Variants in SNX8 observed in about 807,000 individuals in gnomAD.
SNX8 encodes sorting nexin 8.
In SNX8, 25 loss-of-function variants were observed where a neutral mutation model predicts 51.6. The observed-to-expected ratio is 0.48, with a 90% CI of 0.35 to 0.68. SNX8 has a LOEUF of 0.68. SNX8 is among the 30% of genes least tolerant of loss of function. SNX8 has a pLI of 0.00. For missense variants in SNX8, 695 were observed against 624.0 expected, an observed-to-expected ratio of 1.11 and a Z score of -1.21; for synonymous variants, 324 against 277.0, an observed-to-expected ratio of 1.17 and a Z score of -1.68.
chr7:2,324,892 GTCT>G (rs548631381), intron 1 of SNX8, among the ~76,000 whole-genome samples: 95 of 150,696 alleles, frequency 6.3e-4, no homozygotes, highest in African/African-American at 2.3e-3. Context: ...TGCAGCCTCC[GTCT>G]CCTGGGTACA....
At chr7:2,353,281 G>A (rs767440730) in intron 1 of SNX8, among the ~76,000 whole-genome samples, 12 of 152,154 alleles carry the variant, frequency 7.9e-5, no homozygotes, top group Non-Finnish European at 1.3e-4. Context: ...CACTTTGGGA[G>A]GCTGAGGTGG....
chr7:2,323,075 A>G (rs1778560769), intron 1 of SNX8, among the ~76,000 whole-genome samples: 1 of 152,128 alleles, frequency 6.6e-6, no homozygotes, highest in South Asian at 2.1e-4. Context: ...TACACCTGTA[A>G]TCCCAGCACT....
chr7:2,272,007 G>C, intron 3 of SNX8, 36 bp from the exon 4 acceptor site: 2 of 1,610,332 alleles, frequency 1.2e-6, no homozygotes, highest in Non-Finnish European at 1.7e-6. Flanking sequence ...ACAGAGTCCA[G>C]GGCGCCGGCC....
chr7:2,339,479 G>A (rs1778885180), intron 1 of SNX8, among the ~76,000 whole-genome samples: 1 of 152,066 alleles, frequency 6.6e-6, no homozygotes, highest in South Asian at 2.1e-4. Flanking sequence ...AAAGTGCTGG[G>A]AGAAAATTAT....
At chr7:2,351,983 C>G (rs1481118209) in intron 1 of SNX8, among the ~76,000 whole-genome samples, 2 of 142,840 alleles carry the variant, frequency 1.4e-5, no homozygotes, top group Non-Finnish European at 3.0e-5. Flanking sequence ...TCTCCGCTCA[C>G]TACGCCCTCT....
intron 1 of SNX8, among the ~76,000 whole-genome samples, chr7:2,330,954 G>C (rs961377026): frequency 1.1e-4 from 17 of 151,378 alleles, no homozygotes; most frequent in African/African-American, 4.1e-4. Context: ...GGAGGCCGAG[G>C]CAGGTGGGTC....
intron 1 of SNX8, among the ~76,000 whole-genome samples, chr7:2,304,360 G>C (rs372697500): frequency 0.018 from 2,691 of 149,668 alleles, 46 homozygotes; most frequent in African/African-American, 0.031. Context: ...CTGGCTAACA[G>C]GGTGAAACCC....
chr7:2,283,014 G>A lies in SNX8; in HGVS notation c.95-4709C>T, dbSNP rs188044880. Among the ~76,000 whole-genome samples the A allele has an allele frequency of 6.2e-3, 947 of 151,926 alleles. 12 individuals are homozygous for A. Among genetic ancestry groups the A allele is most frequent in the African/African-American group, 0.022 (918 of 41,520 alleles). Reference sequence around the variant, plus strand: ...CGGAAGCCTGTAGTCCCAGCTACTCGGGAGGCTGAGGCAGGAGAATGGTGT... The same window carrying A: ...CGGAAGCCTGTAGTCCCAGCTACTCAGGAGGCTGAGGCAGGAGAATGGTGT... On this transcript the variant is annotated intron_variant, in intron 1 of 10. Transcript: ENST00000222990.
chr7:2,348,059 T>C (rs748603971), intron 1 of SNX8, among the ~76,000 whole-genome samples: 4 of 152,234 alleles, frequency 2.6e-5, no homozygotes, highest in Non-Finnish European at 5.9e-5. Flanking sequence ...ACTGAGAAAC[T>C]TGCTGGAGAG....
At chr7:2,332,012 G>A (rs1010244846) in intron 1 of SNX8, among the ~76,000 whole-genome samples, 1 of 151,912 alleles carries the variant, frequency 6.6e-6, no homozygotes, top group African/African-American at 2.4e-5. Flanking sequence ...CGAGACCAGT[G>A]TAGGCAACAT....
At chr7:2,346,364 T>A (rs1056608908) in intron 1 of SNX8, among the ~76,000 whole-genome samples, 4 of 151,672 alleles carry the variant, frequency 2.6e-5, no homozygotes, top group African/African-American at 9.7e-5. Flanking sequence ...GAGGGTTGCT[T>A]GAACCCAGGA....
chr7:2,349,409 TA>T (rs1409096226), intron 1 of SNX8, among the ~76,000 whole-genome samples: 2 of 151,932 alleles, frequency 1.3e-5, no homozygotes, highest in South Asian at 2.1e-4. Context: ...ATTTTTAGTT[TA>T]TTTTTTTCAC....
At chr7:2,305,532 G>A (rs1796526180) in intron 1 of SNX8, among the ~76,000 whole-genome samples, 1 of 151,792 alleles carries the variant, frequency 6.6e-6, no homozygotes, top group Non-Finnish European at 1.5e-5. Context: ...CCTGGCTAAT[G>A]TTTATACTTT....
At chr7:2,281,865 G>C (rs576230794) in intron 1 of SNX8, among the ~76,000 whole-genome samples, 1 of 152,256 alleles carries the variant, frequency 6.6e-6, no homozygotes, top group South Asian at 2.1e-4. Context: ...CCCTGGGCCT[G>C]GCCATCGCCA....
rs535636783 is a variant in SNX8 at position 2,284,647 on chromosome 7, G to A, written c.95-6342C>T. ...TCTCGATCTCCTGACCTTGTGATCC[G>A]CCCACCTCAGCCTCCCAAAGTGCTG... On this transcript the variant is annotated intron_variant, in intron 1 of 10. Transcript: ENST00000222990. 9.7e-3 allele frequency among the ~76,000 whole-genome samples: 1,456 copies of A among 149,948 alleles called. 10 individuals carry two copies. Among genetic ancestry groups the A allele is most frequent in the African/African-American group, 0.019 (789 of 40,946 alleles).
intron 1 of SNX8, among the ~76,000 whole-genome samples, chr7:2,347,045 T>C (rs1242287916): frequency 6.6e-6 from 1 of 152,052 alleles, no homozygotes; most frequent in South Asian, 2.1e-4. Flanking sequence ...CAAATAAGTC[T>C]TTGAACAGGG....
intron 3 of SNX8, among the ~76,000 whole-genome samples, chr7:2,273,354 GC>G: frequency 6.6e-6 from 1 of 151,786 alleles, no homozygotes; most frequent in Non-Finnish European, 1.5e-5. Context: ...GGAGGCTGAG[GC>G]AGGTGGATCA....
At chr7:2,282,888 G>A (rs568450929) in intron 1 of SNX8, among the ~76,000 whole-genome samples, 4 of 152,292 alleles carry the variant, frequency 2.6e-5, no homozygotes, top group Admixed American at 6.5e-5. Flanking sequence ...TTGGCAGGCC[G>A]AGGCGGGTGG....
chr7:2,266,407 C>A (rs1046522502), intron 5 of SNX8, among the ~76,000 whole-genome samples: 1 of 151,636 alleles, frequency 6.6e-6, no homozygotes, highest in Non-Finnish European at 1.5e-5. Flanking sequence ...AGTGCAGTGG[C>A]GCAATCTTGG....
Sources: allele counts gnomAD v4.1 joint callset (sites outside exome capture counted in the v4.1 genomes callset), GRCh38; gene constraint gnomAD v4.1.1; transcripts MANE v1.5; gene names NCBI Gene and HGNC (gene_info 2026-07-23, HGNC 2026-07-21).